The following RPN2 variants were observed in gnomAD, a reference collection of about 807,000 sequenced individuals.
RPN2 encodes dolichyl-diphosphooligosaccharide--protein glycosyltransferase subunit 2.
RPN2 carries 29 observed loss-of-function variants against 71.4 expected under a neutral mutation model. The ratio of observed to expected loss-of-function variants is 0.41; its 90% confidence interval spans 0.30 to 0.55. RPN2 has a LOEUF of 0.55. RPN2 is among the 20% of genes least tolerant of loss of function. RPN2 has a pLI of 0.35. For missense variants in RPN2, 726 were observed against 774.1 expected (o/e 0.94, Z 0.74); for synonymous variants, 308 against 305.0 (o/e 1.01, Z -0.10).
At chr20:37,232,012 C>A (rs2068261619) in intron 13 of RPN2, among the ~76,000 whole-genome samples, 2 of 152,166 alleles carry the variant, frequency 1.3e-5, no homozygotes, top group South Asian at 2.1e-4. Context: ...TGATGGATTG[C>A]ATTCTCTGGC....
chr20:37,198,931 G>A, intron 3 of RPN2, 119 bp from the exon 4 acceptor site: 2 of 825,544 alleles, frequency 2.4e-6, no homozygotes, highest in East Asian at 2.5e-5. Context: ...ATTAGAGGGG[G>A]ATGAGCATGT....
rs6104157 is a variant in RPN2, at chr20:37,229,671, G to A, written c.1495-302G>A. Among the ~76,000 whole-genome samples the A allele has an allele frequency of 3.0e-3, 451 of 152,266 alleles. 3 individuals are homozygous for A. Among genetic ancestry groups the A allele is most frequent in the African/African-American group, 0.011 (438 of 41,552 alleles). ...TCACACTTCCCAGGGACACCAAGCT[G>A]TTTCTGATTGCAACTGTAACAGCCT... On this transcript the variant is annotated intron_variant, in intron 12 of 16. Coordinates refer to ENST00000237530, the MANE Select transcript of RPN2 (RefSeq NM_002951.5).
chr20:37,188,699 C>T (rs1176756980), intron 2 of RPN2, among the ~76,000 whole-genome samples: 2 of 151,192 alleles, frequency 1.3e-5, no homozygotes, highest in African/African-American at 2.4e-5. Context: ...TTCACTGCAG[C>T]CTCAAACTTC....
intron 11 of RPN2, among the ~76,000 whole-genome samples, chr20:37,226,315 G>A (rs1320330821): frequency 2.6e-5 from 4 of 152,162 alleles, no homozygotes; most frequent in Non-Finnish European, 4.4e-5. Flanking sequence ...CAGGTGATCC[G>A]CCTGCCTCAG....
chr20:37,229,575 C>G (rs1354648159), intron 12 of RPN2, among the ~76,000 whole-genome samples: 1 of 152,136 alleles, frequency 6.6e-6, no homozygotes, highest in Non-Finnish European at 1.5e-5. Context: ...CTTTTCTTCT[C>G]CTGGACTTCA....
intron 13 of RPN2, among the ~76,000 whole-genome samples, chr20:37,231,340 G>T (rs2068237282): frequency 6.6e-6 from 1 of 151,576 alleles, no homozygotes; most frequent in African/African-American, 2.4e-5. Flanking sequence ...TTCGTAAAGA[G>T]AATTCATGTA....
intron 8 of RPN2, among the ~76,000 whole-genome samples, chr20:37,211,003 C>T (rs538476914): frequency 7.9e-5 from 12 of 152,068 alleles, no homozygotes; most frequent in African/African-American, 2.9e-4. Context: ...GCCTGGGCAA[C>T]ATAGCAGGAC....
In RPN2 at chr20:37,241,337, T is replaced by C; in HGVS notation, c.*22T>C. ...TTAGTTCCAGAAGAAAGATGGAAATTCTGAAAACTGAATGTCAAGAAAAGG... is the reference window on the plus strand; with the variant it reads ...TTAGTTCCAGAAGAAAGATGGAAATCCTGAAAACTGAATGTCAAGAAAAGG... On this transcript the variant is annotated 3_prime_UTR_variant, in exon 17 of 17. Coordinates refer to ENST00000237530, the MANE Select transcript of RPN2 (RefSeq NM_002951.5). 1.2e-6 allele frequency: 2 copies of C among 1,612,150 alleles called. No individual in the cohort carries two copies. Among genetic ancestry groups the C allele is most frequent in the Non-Finnish European group, 1.7e-6 (2 of 1,178,888 alleles).
rs555317957 is a variant in RPN2 at position 37,208,513 on chromosome 20, A to G, written c.867+1064A>G. The stretch of plus-strand genomic sequence containing the variant: ...CAGCGTAGGCTTCCTCCAGTACCCA[A>G]ATTTTCTAAATATGTTATTTTACGA... On this transcript the variant is annotated intron_variant, in intron 7 of 16. Coordinates refer to ENST00000237530, the MANE Select transcript of RPN2 (RefSeq NM_002951.5). Among the ~76,000 whole-genome samples, 72 of 152,158 alleles carry G rather than the reference A, an allele frequency of 4.7e-4. 1 individual carries two copies. Among genetic ancestry groups the G allele is most frequent in the African/African-American group, 1.7e-3 (69 of 41,512 alleles).
intron 11 of RPN2, among the ~76,000 whole-genome samples, chr20:37,227,448 G>A (rs2068105662): frequency 6.6e-6 from 1 of 152,194 alleles, no homozygotes; most frequent in African/African-American, 2.4e-5. Context: ...GATTGTGATA[G>A]GAAGGAGATC....
At position 37,203,943 on chromosome 20, in the gene RPN2, A is replaced by C; in HGVS notation, c.538A>C (p.Ile180Leu). The C allele has an allele frequency of 6.2e-7, 1 of 1,613,656 alleles. No individual in the cohort carries two copies. ...HLSQQADLRS[I>L]VEEIEDLVAR... Reference sequence around the variant, plus strand: ...GTCCCAGCAGGCTGACCTGAGGAGCATCGTGGAGGAGATTGAGGTGTGAAT... The same window carrying C: ...GTCCCAGCAGGCTGACCTGAGGAGCCTCGTGGAGGAGATTGAGGTGTGAAT... The change falls in exon 5 of 17, where the codon ATC becomes CTC. Residue 180 changes from isoleucine to leucine, a missense_variant. Coordinates refer to ENST00000237530, the MANE Select transcript of RPN2 (RefSeq NM_002951.5).
At chr20:37,179,983 G>T (rs2066814982) in intron 1 of RPN2, among the ~76,000 whole-genome samples, 1 of 152,170 alleles carries the variant, frequency 6.6e-6, no homozygotes, top group Admixed American at 6.5e-5. Context: ...TCGTTGAGTT[G>T]CTTTATTAAG....
chr20:37,199,345 GT>G, intron 4 of RPN2, 120 bp downstream of exon 4: 1 of 1,268,620 alleles, frequency 7.9e-7, no homozygotes, highest in South Asian at 1.3e-5. Context: ...ATACTTCCGT[GT>G]GCCAGGTGCT....
chr20:37,199,291 T>A, intron 4 of RPN2, 66 bp downstream of exon 4: 1 of 1,579,494 alleles, frequency 6.3e-7, no homozygotes, highest in Non-Finnish European at 8.6e-7. Flanking sequence ...AGAGGGCTCA[T>A]TCATTGGTTC....
At chr20:37,189,543 C>T (rs926618638) in intron 2 of RPN2, among the ~76,000 whole-genome samples, 3 of 152,202 alleles carry the variant, frequency 2.0e-5, no homozygotes, top group Non-Finnish European at 2.9e-5. Flanking sequence ...ACCAGCTCTC[C>T]GTTTCTGCCC....
At chr20:37,181,306 T>C (rs1398514386) in intron 1 of RPN2, among the ~76,000 whole-genome samples, 1 of 152,146 alleles carries the variant, frequency 6.6e-6, no homozygotes, top group East Asian at 1.9e-4. Flanking sequence ...CTGCTACCTC[T>C]GTTACCTCAT....
chr20:37,232,681 C>G (rs1301554695), intron 14 of RPN2, among the ~76,000 whole-genome samples: 1 of 152,094 alleles, frequency 6.6e-6, no homozygotes, highest in Non-Finnish European at 1.5e-5. Flanking sequence ...CAGATGAGAT[C>G]TAGTGTGAAC....
chr20:37,199,852 G>C (rs1268479935), intron 4 of RPN2, among the ~76,000 whole-genome samples: 3 of 152,148 alleles, frequency 2.0e-5, no homozygotes, highest in African/African-American at 7.2e-5. Context: ...TATTTATTTA[G>C]AGACAGGATC....
intron 9 of RPN2, among the ~76,000 whole-genome samples, chr20:37,219,188 A>T (rs930578380): frequency 2.0e-5 from 3 of 152,120 alleles, no homozygotes; most frequent in Admixed American, 2.0e-4. Flanking sequence ...ACTTGTTATT[A>T]TCTGACTTTT....
Sources: gnomAD v4.1 joint callset for allele counts (sites outside exome capture counted in the v4.1 genomes callset) on GRCh38, gnomAD v4.1.1 for gene constraint, MANE v1.5 for transcripts, NCBI Gene and HGNC (gene_info 2026-07-23, HGNC 2026-07-21) for gene names.